The following RNF31 variants were observed in gnomAD, a reference collection of about 807,000 sequenced individuals.
RNF31 encodes E3 ubiquitin-protein ligase RNF31.
In RNF31, 38 loss-of-function variants were observed where a neutral mutation model predicts 133.6. The ratio of observed to expected loss-of-function variants is 0.28; its 90% CI spans 0.22 to 0.37. RNF31 has a LOEUF of 0.37. Among genes scored for constraint, RNF31 ranks in the 10% least tolerant of loss-of-function variants. The pLI, the probability that RNF31 is intolerant of heterozygous loss-of-function variation, is 1.00. For synonymous variants in RNF31, 582 were observed against 552.3 expected (o/e 1.05, Z -0.75); for missense variants, 1,118 against 1,394.1 (o/e 0.80, Z 3.15).
At chr14:24,156,530 A>C (rs2038343059) in intron 14 of RNF31, among the ~76,000 whole-genome samples, 1 of 152,146 alleles carries the variant, frequency 6.6e-6, no homozygotes, top group Admixed American at 6.5e-5. Flanking sequence ...CTGTAATCCC[A>C]GCACTTTGGG....
chr14:24,154,568 G>A (rs944946327), intron 11 of RNF31, among the ~76,000 whole-genome samples: 1 of 152,310 alleles, frequency 6.6e-6, no homozygotes, highest in African/African-American at 2.4e-5. Context: ...GTGAGCCAGC[G>A]TGCCCGGCCC....
Position 24,158,022 on chromosome 14 carries a change from G to A in RNF31, c.2841+11G>A, listed in dbSNP as rs1248028747. 4 of 1,613,570 alleles carry A rather than the reference G, an allele frequency of 2.5e-6. No individual in the cohort carries two copies. In the East Asian group the frequency reaches 6.7e-5, roughly 27 times the overall value. On this transcript the variant is annotated intron_variant, in intron 17 of 20. Coordinates refer to ENST00000324103, the MANE Select transcript of RNF31 (RefSeq NM_017999.5). ...CAGAAGCTGCTACAGGTCAGAGGTGGCCAGGAGAGAAGAAGACAGGGCCCA... is the reference window on the plus strand; with the variant it reads ...CAGAAGCTGCTACAGGTCAGAGGTGACCAGGAGAGAAGAAGACAGGGCCCA...
Position 24,148,830 on chromosome 14 carries a change from A to G in RNF31, c.585A>G (p.Leu195=). The change falls in exon 5 of 21, where the codon CTA becomes CTG. Residue 195 remains leucine, a synonymous_variant. Transcript: ENST00000324103. ...DMLQLSEFDP[L]LREIAPGPLT... is the part of the protein sequence containing the mutation. ...TGCAGCTTTCAGAATTTGACCCCCT[A>G]TTGAGAGAGATTGCTCCTGGCCCCC... 1 of 1,614,012 alleles carries G rather than the reference A, an allele frequency of 6.2e-7. No homozygotes were observed. The highest frequency in any genetic ancestry group is 1.3e-5 in the African/African-American group (1 of 74,976).
upstream of RNF31, chr14:24,146,882 G>A (rs2038172556): frequency 1.9e-6 from 1 of 514,742 alleles, no homozygotes; most frequent in South Asian, 2.2e-5. Flanking sequence ...CTTATAGCTA[G>A]GGCCAACTGG....
chr14:24,156,780 A>G (rs1311692417), intron 14 of RNF31, among the ~76,000 whole-genome samples: 1 of 148,498 alleles, frequency 6.7e-6, no homozygotes, highest in African/African-American at 2.4e-5. Flanking sequence ...CTCCATCTCA[A>G]AAAAAAAAAA....
rs2038186273 is a variant in RNF31 at position 24,147,534 on chromosome 14, G to C, written c.-165G>C. 5.7e-6 allele frequency: 3 copies of C among 525,820 alleles called. No individual in the cohort carries two copies. 32.6% of individuals were successfully genotyped at this position (525,820 alleles called of 1,614,324 possible). A position where few individuals can be genotyped will look rare whatever the true frequency, so the allele number is the denominator to read the frequency against. On this transcript the variant is annotated 5_prime_UTR_variant, in exon 1 of 21. Coordinates refer to ENST00000324103, the MANE Select transcript of RNF31 (RefSeq NM_017999.5). ...TGTTCTCGGCTAACCCTGGCGCTGG[G>C]CCGGGGGCTGGAGAGTGACCGTGGT...
At chr14:24,154,794 CT>C (rs2038317931) in intron 11 of RNF31, among the ~76,000 whole-genome samples, 1 of 152,234 alleles carries the variant, frequency 6.6e-6, no homozygotes, top group African/African-American at 2.4e-5. Flanking sequence ...AAGGAACTCT[CT>C]CATGTACCTC....
chr14:24,149,916 T>G (rs1165179103), intron 6 of RNF31, 145 bp from the exon 7 acceptor site: 6 of 990,190 alleles, frequency 6.1e-6, no homozygotes, highest in Non-Finnish European at 7.3e-6. Flanking sequence ...TTGCATAAGC[T>G]ATGGGTATAG....
In RNF31 at chr14:24,154,421, C is replaced by T. The variant is rs563594164; in HGVS notation, c.2131-736C>T. 2.0e-5 allele frequency among the ~76,000 whole-genome samples: 3 copies of T among 152,246 alleles called. No individual in the cohort carries two copies. In the South Asian group the frequency reaches 6.2e-4, roughly 32 times the overall value. ...CCTCCCAAAGTGCTGGGATTACAGG[C>T]ATAAGCCATGGTGCCTGGCCTAATT... On this transcript the variant is annotated intron_variant, in intron 11 of 20. Transcript: ENST00000324103.
At position 24,150,755 on chromosome 14, in the gene RNF31, T is replaced by G; in HGVS notation, c.1355T>G (p.Leu452Trp). 6.2e-7 allele frequency: 1 copy of G among 1,603,478 alleles called. No individual in the cohort carries two copies. The highest frequency in any genetic ancestry group is 1.1e-5 in the South Asian group (1 of 90,362). ...QHAPRPYASS[L>W]EKGPPKPGPP... is the part of the protein sequence containing the mutation. ...GCCCCCCGGCCCTATGCCAGCTCTT[T>G]GGAAAAGGGACCCCCCAAGCCTGGG... is the stretch of plus-strand genomic sequence containing the variant. The change falls in exon 8 of 21, where the codon TTG becomes TGG. Residue 452 changes from leucine to tryptophan, a missense_variant. Coordinates refer to ENST00000324103, the MANE Select transcript of RNF31 (RefSeq NM_017999.5).
intron 11 of RNF31, among the ~76,000 whole-genome samples, chr14:24,153,038 G>A (rs527558443): frequency 2.1e-3 from 318 of 151,498 alleles, no homozygotes; most frequent in Admixed American, 4.0e-3. Flanking sequence ...CCGAGATCGC[G>A]CCACTGCACT....
chr14:24,155,432 C>T lies in RNF31; in HGVS notation c.2323C>T (p.Pro775Ser). The T allele has an allele frequency of 6.2e-7, 1 of 1,614,210 alleles. No individual in the cohort carries two copies. The highest frequency in any genetic ancestry group is 8.5e-7 in the Non-Finnish European group (1 of 1,180,038). The change falls in exon 13 of 21, where the codon CCA becomes TCA. Residue 775 changes from proline (P) to serine (S), a missense_variant. Pro to Ser is a moderately conservative substitution (Grantham distance 74). Transcript: ENST00000324103. This position sits in a 1 kb window ranked among gnomAD's most constrained non-coding sequence, Gnocchi z 4.9. ...LDIQLRESLE[P>S]DAYALFHKKL... ...TCCCCAGCTTCGCGAGAGCCTAGAG[C>T]CAGATGCCTATGCGTTGTTCCATAA...
At chr14:24,157,165 G>A in intron 14 of RNF31, 125 bp from the exon 15 acceptor site, 1 of 642,642 alleles carries the variant, frequency 1.6e-6, no homozygotes, top group South Asian at 2.0e-5. Context: ...TGAGATCTGA[G>A]CAAATGGTAG....
chr14:24,154,273 TCAGCCTCCCG>T (rs1227379199), intron 11 of RNF31, among the ~76,000 whole-genome samples: 1 of 152,152 alleles, frequency 6.6e-6, no homozygotes, highest in African/African-American at 2.4e-5. Context: ...TTCTCCTGCC[TCAGCCTCCCG>T]AGTAGCTGGG....
chr14:24,153,119 T>G (rs1055773851), intron 11 of RNF31, among the ~76,000 whole-genome samples: 1 of 151,004 alleles, frequency 6.6e-6, no homozygotes, highest in Non-Finnish European at 1.5e-5. Context: ...TTTTTGTGTG[T>G]GTGTGTGACA....
chr14:24,152,331 C>T (rs915016019), intron 11 of RNF31, among the ~76,000 whole-genome samples: 1 of 152,168 alleles, frequency 6.6e-6, no homozygotes, highest in Non-Finnish European at 1.5e-5. Context: ...CATATATACA[C>T]AGATGGCTAT....
chr14:24,152,421 A>AC (rs2038280424), intron 11 of RNF31, among the ~76,000 whole-genome samples: 1 of 150,200 alleles, frequency 6.7e-6, no homozygotes, highest in South Asian at 2.1e-4. Flanking sequence ...TTATTTATTT[A>AC]TTTACTTATT....
Position 24,148,401 on chromosome 14 carries a change from C to T in RNF31, c.483C>T (p.Ser161=), listed in dbSNP as rs1302651729. The T allele has an allele frequency of 1.2e-6, 2 of 1,613,878 alleles. No homozygotes were observed. The highest frequency in any genetic ancestry group is 4.5e-5 in the East Asian group (2 of 44,896). ...LEVLLLRTEL[S]LLLQNTHPRQ... is the part of the protein sequence containing the mutation. ...TACTGCTGCTTCGGACAGAGCTCAGCCTGCTATTGCAGGTGAGATGCTCCT... is the reference window on the plus strand; with the variant it reads ...TACTGCTGCTTCGGACAGAGCTCAGTCTGCTATTGCAGGTGAGATGCTCCT... The change falls in exon 3 of 21, where the codon AGC becomes AGT. Residue 161 remains serine (S), a synonymous_variant. Transcript: ENST00000324103.
At chr14:24,156,050 G>A (rs947282059) in intron 14 of RNF31, among the ~76,000 whole-genome samples, 8 of 152,230 alleles carry the variant, frequency 5.3e-5, no homozygotes, top group Non-Finnish European at 8.8e-5. Context: ...AATGGTTTAA[G>A]CTCAGGCCTA....
Sources: allele counts gnomAD v4.1 joint callset (sites outside exome capture counted in the v4.1 genomes callset), GRCh38; gene constraint gnomAD v4.1.1; non-coding constraint Gnocchi (gnomAD v3.1); transcripts MANE v1.5; gene names NCBI Gene and HGNC (gene_info 2026-07-23, HGNC 2026-07-21).